C14orf132: variants seen among roughly 807,000 people sequenced by gnomAD.
C14orf132 encodes the protein uncharacterized protein C14orf132.
A neutral mutation model predicts 5.8 loss-of-function variants in C14orf132; 6 were observed. That is an observed-to-expected ratio of 1.03 (90% CI 0.57 to 2.04). The LOEUF is 2.04. Ranked by LOEUF, C14orf132 falls within the 30% of genes most tolerant of loss-of-function variation. The pLI, the probability that C14orf132 is intolerant of heterozygous loss-of-function variation, is 0.00. For missense variants in C14orf132, 125 were observed against 115.8 expected, an observed-to-expected ratio of 1.08 and a Z score of -0.37; for synonymous variants, 51 against 49.8, an observed-to-expected ratio of 1.02 and a Z score of -0.10.
At chr14:96,062,479 C>T (rs1887388251) in intron 1 of C14orf132, among the ~76,000 whole-genome samples, 1 of 152,294 alleles carries the variant, frequency 6.6e-6, no homozygotes, top group South Asian at 2.1e-4. Flanking sequence ...CTCTCCCCTG[C>T]CTTTTGCAAA....
intron 1 of C14orf132, among the ~76,000 whole-genome samples, chr14:96,056,644 G>A (rs1443025182): frequency 1.3e-5 from 2 of 152,104 alleles, no homozygotes; most frequent in Non-Finnish European, 2.9e-5. Context: ...TGTGTGCAGA[G>A]GCTGGCCAGG....
chr14:96,093,395 G>A lies in C14orf132; in HGVS notation c.*6660G>A, dbSNP rs1043519. On this transcript the variant is annotated 3_prime_UTR_variant, in exon 2 of 2. Transcript: ENST00000555004. ...GCTTAGGAATGGGGTGGGCATGGGAGTGCTGGGTAGCAGCCTTTGAGCAAA... is the reference window on the plus strand; with the variant it reads ...GCTTAGGAATGGGGTGGGCATGGGAATGCTGGGTAGCAGCCTTTGAGCAAA... The A allele has an allele frequency of 6.6e-5, 10 of 152,108 alleles. No homozygotes were observed. The highest frequency in any genetic ancestry group is 2.6e-4 in the Admixed American group (4 of 15,284). The allele number at this position is 152,108 out of a possible 1,614,324, so 9.4% of individuals were successfully genotyped here. A position where few individuals can be genotyped will look rare whatever the true frequency, so the allele number is the denominator to read the frequency against.
Position 96,089,522 on chromosome 14 carries a change from A to T in C14orf132, c.*2787A>T, listed in dbSNP as rs1223774161. 1 of 152,324 alleles carries T rather than the reference A, an allele frequency of 6.6e-6. No individual in the cohort carries two copies. Among genetic ancestry groups the T allele is most frequent in the Non-Finnish European group, 1.5e-5 (1 of 68,138 alleles). 9.4% of individuals were successfully genotyped at this position (152,324 alleles called of 1,614,324 possible). On this transcript the variant is annotated 3_prime_UTR_variant, in exon 2 of 2. Coordinates refer to ENST00000555004, the MANE Select transcript of C14orf132 (RefSeq NM_001252507.3). The stretch of plus-strand genomic sequence containing the variant: ...TGACTGGGTGGCACCTCCAGGGCAC[A>T]TTTACACAAGGCCCTGAATCTGCAG...
At chr14:96,067,107 C>G (rs1302525327) in intron 1 of C14orf132, among the ~76,000 whole-genome samples, 2 of 152,234 alleles carry the variant, frequency 1.3e-5, no homozygotes, top group Non-Finnish European at 2.9e-5. Context: ...TCAAAAGATA[C>G]TGCTCTTCCT....
rs1286031538 is a variant in C14orf132 at position 96,049,529 on chromosome 14, CATATATACATACGTAT to C, written c.27+10014_27+10029del. ...ATACGTATATACGTATATATATACACATATATACATACGTATATATATACATATATACGTATATATA... is the reference window on the plus strand; with the variant it reads ...ATACGTATATACGTATATATATACACATATATACATATATACGTATATATA... On this transcript the variant is annotated intron_variant, in intron 1 of 1. Transcript: ENST00000555004. Among the ~76,000 whole-genome samples the C allele has an allele frequency of 5.8e-5, 8 of 138,074 alleles. No individual in the cohort carries two copies. The East Asian group carries it at 1.4e-3, about 25-fold the overall frequency. 90.6% of individuals were successfully genotyped at this position (138,074 alleles called of 152,430 possible). A position where few individuals can be genotyped will look rare whatever the true frequency, so the allele number is the denominator to read the frequency against.
chr14:96,053,216 C>T (rs1887080151), intron 1 of C14orf132, among the ~76,000 whole-genome samples: 1 of 152,176 alleles, frequency 6.6e-6, no homozygotes, highest in Non-Finnish European at 1.5e-5. Flanking sequence ...GTCCAGAATC[C>T]ACACCTTTCC....
intron 1 of C14orf132, among the ~76,000 whole-genome samples, chr14:96,056,970 T>C (rs989874514): frequency 2.0e-5 from 3 of 152,182 alleles, no homozygotes; most frequent in Non-Finnish European, 4.4e-5. Context: ...CCAGGGCCGC[T>C]GGCCTCAAAG....
At chr14:96,067,895 T>C (rs1232469523) in intron 1 of C14orf132, among the ~76,000 whole-genome samples, 5 of 152,062 alleles carry the variant, frequency 3.3e-5, no homozygotes, top group Non-Finnish European at 7.4e-5. Context: ...GAGAGAGTTA[T>C]GTCTTCTTTA....
intron 1 of C14orf132, among the ~76,000 whole-genome samples, chr14:96,049,487 CATATATATACGTATATATACGT>C (rs981632647): frequency 1.4e-5 from 2 of 143,406 alleles, no homozygotes; most frequent in African/African-American, 2.6e-5. Flanking sequence ...TATATATATG[CATATATATACGTATATATACGT>C]ATATACGTAT....
intron 1 of C14orf132, among the ~76,000 whole-genome samples, chr14:96,065,287 G>T (rs550550797): frequency 3.3e-5 from 5 of 152,260 alleles, no homozygotes; most frequent in African/African-American, 1.2e-4. Flanking sequence ...TAGCATTTTA[G>T]AACGTCCTCC....
At chr14:96,047,097 TTGTC>T (rs1346329198) in intron 1 of C14orf132, among the ~76,000 whole-genome samples, 1 of 152,194 alleles carries the variant, frequency 6.6e-6, no homozygotes, top group Non-Finnish European at 1.5e-5. Context: ...AAAATACAAA[TTGTC>T]TGTTATCTTA....
chr14:96,082,856 A>G (rs1888068237), intron 1 of C14orf132, among the ~76,000 whole-genome samples: 1 of 152,184 alleles, frequency 6.6e-6, no homozygotes, highest in Admixed American at 6.5e-5. Flanking sequence ...GCTTGCAACA[A>G]TCTCGCTGGT....
intron 1 of C14orf132, among the ~76,000 whole-genome samples, chr14:96,055,100 A>G (rs562877512): frequency 2.0e-5 from 3 of 152,360 alleles, no homozygotes; most frequent in Admixed American, 2.0e-4. Context: ...GACAGAAGAC[A>G]TGAGACTCCC....
chr14:96,059,259 T>C (rs9788548), intron 1 of C14orf132, among the ~76,000 whole-genome samples: 10,623 of 152,224 alleles, frequency 0.07, 450 homozygotes, highest in East Asian at 0.17. Flanking sequence ...CCCTCCAGCC[T>C]AGGCGACAGA....
chr14:96,069,255 T>C (rs1358494150), intron 1 of C14orf132, among the ~76,000 whole-genome samples: 5 of 68,120 alleles, frequency 7.3e-5, no homozygotes, highest in Admixed American at 1.6e-4. Flanking sequence ...CTGTTTATGT[T>C]CATATATATA....
chr14:96,050,864 C>T (rs1021649161), intron 1 of C14orf132, among the ~76,000 whole-genome samples: 1 of 152,082 alleles, frequency 6.6e-6, no homozygotes, highest in East Asian at 1.9e-4. Flanking sequence ...TCAGTTGTTT[C>T]AGTTGGGAGG....
chr14:96,071,645 G>T (rs1477147271), intron 1 of C14orf132, among the ~76,000 whole-genome samples: 1 of 152,204 alleles, frequency 6.6e-6, no homozygotes, highest in African/African-American at 2.4e-5. Flanking sequence ...TCTCCTGAAG[G>T]GGTTCAGATG....
intron 1 of C14orf132, among the ~76,000 whole-genome samples, chr14:96,052,781 G>A (rs576716708): frequency 4.6e-5 from 7 of 152,164 alleles, no homozygotes; most frequent in Non-Finnish European, 1.0e-4. Flanking sequence ...TGCATGCTGG[G>A]CCCAGCAGCA....
At chr14:96,081,539 C>A (rs1048006397) in intron 1 of C14orf132, among the ~76,000 whole-genome samples, 13 of 152,176 alleles carry the variant, frequency 8.5e-5, no homozygotes. Context: ...GTGGAAGAGC[C>A]CTGCCTTCGG....
Sources: gnomAD v4.1 joint callset for allele counts (sites outside exome capture counted in the v4.1 genomes callset) on GRCh38, gnomAD v4.1.1 for gene constraint, MANE v1.5 for transcripts, NCBI Gene and HGNC (gene_info 2026-07-23, HGNC 2026-07-21) for gene names.